Variants in MAGI1 observed in about 807,000 individuals in gnomAD.
The protein encoded by MAGI1 is membrane associated guanylate kinase, WW and PDZ domain containing 1.
In MAGI1, 58 loss-of-function variants were observed where a neutral mutation model predicts 139.9. The observed-to-expected ratio is 0.41, with a 90% CI of 0.34 to 0.52. The LOEUF (loss-of-function observed/expected upper bound fraction) is 0.52, where lower values mean the gene tolerates loss of function less well. Ranked by LOEUF, MAGI1 falls within the 20% of genes least tolerant of loss-of-function variation. The pLI, the probability that MAGI1 is intolerant of heterozygous loss-of-function variation, is 0.12. For missense variants in MAGI1, 1,874 were observed against 1,901.6 expected (o/e 0.99, Z 0.27); for synonymous variants, 812 against 737.9 (o/e 1.10, Z -1.63).
chr3:65,726,820 A>C lies in MAGI1; in HGVS notation c.314-104732T>G, dbSNP rs552157158. On this transcript the variant is annotated intron_variant, in intron 1 of 22. Coordinates refer to ENST00000402939, the MANE Select transcript of MAGI1 (RefSeq NM_001033057.2). Reference sequence around the variant, plus strand: ...CATCTTGATAGGGCTTCAAATCCCCAGGCAAGTATCACCATTATCCGTTAT... The same window carrying C: ...CATCTTGATAGGGCTTCAAATCCCCCGGCAAGTATCACCATTATCCGTTAT... 9.9e-5 allele frequency among the ~76,000 whole-genome samples: 15 copies of C among 152,174 alleles called. No individual in the cohort carries two copies. In the East Asian group the frequency reaches 2.7e-3, roughly 27 times the overall value.
At chr3:65,580,672 C>A (rs2081376008) in intron 2 of MAGI1, among the ~76,000 whole-genome samples, 1 of 151,840 alleles carries the variant, frequency 6.6e-6, no homozygotes, top group Non-Finnish European at 1.5e-5. Flanking sequence ...AAGTGAAGGA[C>A]AATAAAAAAA....
rs753648652 is a variant in MAGI1 at position 65,540,610 on chromosome 3, ACTT to A, written c.431-46982_431-46980del. Reference sequence around the variant, plus strand: ...GCAGGTTGCTTTACATCTAAAATGGACTTCTTATCTATTTATTCAAAAACTATC... The same window carrying A: ...GCAGGTTGCTTTACATCTAAAATGGACTTATCTATTTATTCAAAAACTATC... On this transcript the variant is annotated intron_variant, in intron 2 of 22. Transcript: ENST00000402939. 8.5e-4 allele frequency among the ~76,000 whole-genome samples: 129 copies of A among 152,332 alleles called. 1 individual carries two copies. Among genetic ancestry groups the A allele is most frequent in the Non-Finnish European group, 1.7e-3 (116 of 68,032 alleles).
At chr3:65,697,827 C>A (rs1317369352) in intron 1 of MAGI1, among the ~76,000 whole-genome samples, 2 of 83,564 alleles carry the variant, frequency 2.4e-5, no homozygotes, top group Non-Finnish European at 4.5e-5. Context: ...GACAGGGATG[C>A]CCTCTCTCAC....
chr3:65,631,225 C>A (rs1258713889), intron 1 of MAGI1, among the ~76,000 whole-genome samples: 1 of 152,152 alleles, frequency 6.6e-6, no homozygotes, highest in Non-Finnish European at 1.5e-5. Flanking sequence ...ACACCACATG[C>A]AATGGAGTCA....
chr3:65,826,191 T>C (rs2042220727), intron 1 of MAGI1, among the ~76,000 whole-genome samples: 1 of 152,080 alleles, frequency 6.6e-6, no homozygotes, highest in African/African-American at 2.4e-5. Context: ...TATGACTGAA[T>C]TCTGTTTGCT....
chr3:65,945,483 A>G (rs1371087895), intron 1 of MAGI1, among the ~76,000 whole-genome samples: 1 of 152,142 alleles, frequency 6.6e-6, no homozygotes, highest in Non-Finnish European at 1.5e-5. Flanking sequence ...CTGTACTTTT[A>G]TATTTGAGTC....
Position 65,386,514 on chromosome 3 carries a change from A to C in MAGI1, c.2417-2891T>G, listed in dbSNP as rs368501510. Among the ~76,000 whole-genome samples the C allele has an allele frequency of 1.2e-4, 18 of 152,376 alleles. No homozygotes were observed. In the East Asian group the frequency reaches 3.5e-3, roughly 29 times the overall value. On this transcript the variant is annotated intron_variant, in intron 14 of 22. Coordinates refer to ENST00000402939, the MANE Select transcript of MAGI1 (RefSeq NM_001033057.2). ...CAATTTATAACTTTGGCAATAAATC[A>C]GTACTGAAACACATTATGGGATTAT...
intron 1 of MAGI1, among the ~76,000 whole-genome samples, chr3:65,990,173 G>C (rs148170184): frequency 6.6e-6 from 1 of 152,258 alleles, no homozygotes; most frequent in African/African-American, 2.4e-5. Context: ...TGAGGCAGGG[G>C]AGGGAAAGAA....
chr3:65,520,211 T>G (rs1446824728), intron 2 of MAGI1, among the ~76,000 whole-genome samples: 1 of 152,196 alleles, frequency 6.6e-6, no homozygotes, highest in East Asian at 1.9e-4. Context: ...AAATGCTTAT[T>G]ATTTTTTAAG....
At chr3:65,725,541 G>C (rs2033507503) in intron 1 of MAGI1, among the ~76,000 whole-genome samples, 1 of 152,132 alleles carries the variant, frequency 6.6e-6, no homozygotes, top group Admixed American at 6.6e-5. Context: ...CTGGTGGCTG[G>C]GGCTCGACAA....
chr3:65,819,875 C>CAAAAAAAAAAAAAAAAACAAAA (rs2041840668), intron 1 of MAGI1, among the ~76,000 whole-genome samples: 1 of 33,454 alleles, frequency 3.0e-5, no homozygotes, highest in Non-Finnish European at 6.4e-5. Flanking sequence ...GACTCCATCT[C>CAAAAAAAAAAAAAAAAACAAAA]AAAAAAAAAA....
chr3:65,515,797 G>T (rs1391974403), intron 2 of MAGI1, among the ~76,000 whole-genome samples: 1 of 152,098 alleles, frequency 6.6e-6, no homozygotes, highest in Non-Finnish European at 1.5e-5. Context: ...CAAATCATAT[G>T]GTCCAATACT....
intron 1 of MAGI1, among the ~76,000 whole-genome samples, chr3:65,870,466 C>T (rs1244478329): frequency 6.6e-6 from 1 of 151,758 alleles, no homozygotes; most frequent in African/African-American, 2.4e-5. Context: ...ATCCCCTGGC[C>T]CCGGCTCCAT....
At chr3:65,720,874 C>A (rs2032929605) in intron 1 of MAGI1, among the ~76,000 whole-genome samples, 1 of 152,038 alleles carries the variant, frequency 6.6e-6, no homozygotes, top group African/African-American at 2.4e-5. Flanking sequence ...CTCAGCCTCT[C>A]CAGTAGCTAG....
chr3:65,537,278 G>A (rs1330046116), intron 2 of MAGI1, among the ~76,000 whole-genome samples: 1 of 152,054 alleles, frequency 6.6e-6, no homozygotes, highest in African/African-American at 2.4e-5. Context: ...TCTCTGCCCA[G>A]GAAACTCCTA....
At chr3:65,826,450 C>T (rs1034006824) in intron 1 of MAGI1, among the ~76,000 whole-genome samples, 1 of 152,298 alleles carries the variant, frequency 6.6e-6, no homozygotes. Flanking sequence ...TTACCTGTTA[C>T]TTGTGCCTAA....
intron 1 of MAGI1, chr3:65,718,736 T>C (rs1183498001): frequency 6.6e-6 from 1 of 151,948 alleles, no homozygotes; most frequent in Non-Finnish European, 1.5e-5. Context: ...AAAACGGAGA[T>C]GAAAAAAAAT....
At chr3:66,025,460 A>G (rs1420074316) in intron 1 of MAGI1, among the ~76,000 whole-genome samples, 1 of 152,190 alleles carries the variant, frequency 6.6e-6, no homozygotes, top group African/African-American at 2.4e-5. Flanking sequence ...AGATCGCTTG[A>G]GCCCAGGAGA....
chr3:65,356,360 G>C lies in MAGI1; in HGVS notation c.*18C>G. ...TAGAACCTTTGACACGGTAAAGGTT[G>C]GAATGTGACTCAGCGTCTCAGATAC... On this transcript the variant is annotated 3_prime_UTR_variant, in exon 23 of 23. Transcript: ENST00000402939. The C allele has an allele frequency of 6.4e-7, 1 of 1,552,722 alleles. No individual in the cohort carries two copies. The highest frequency in any genetic ancestry group is 8.6e-7 in the Non-Finnish European group (1 of 1,157,862).
Sources: gnomAD v4.1 joint callset for allele counts (sites outside exome capture counted in the v4.1 genomes callset) on GRCh38, gnomAD v4.1.1 for gene constraint, MANE v1.5 for transcripts, NCBI Gene and HGNC (gene_info 2026-07-23, HGNC 2026-07-21) for gene names.